The following OTOF variants were observed in gnomAD, a reference collection of about 807,000 sequenced individuals.
OTOF encodes the protein otoferlin.
Under a neutral mutation model 236.8 loss-of-function variants are expected in OTOF, and 218 were observed. The observed-to-expected ratio is 0.92, with a 90% CI of 0.82 to 1.03. OTOF has a LOEUF of 1.03. OTOF is among the 50% of genes least tolerant of loss of function. The pLI is 0.00. For synonymous variants in OTOF, 1,041 were observed against 1,072.5 expected (o/e 0.97, Z 0.57); for missense variants, 2,590 against 2,694.4 (o/e 0.96, Z 0.86).
At chr2:26,535,345 G>A (rs1042487954) in intron 2 of OTOF, among the ~76,000 whole-genome samples, 5 of 152,186 alleles carry the variant, frequency 3.3e-5, no homozygotes, top group Non-Finnish European at 2.9e-5. Context: ...GGATGATTTC[G>A]GAGATTGAGT....
At chr2:26,545,418 G>T (rs1667308172) in intron 1 of OTOF, among the ~76,000 whole-genome samples, 1 of 152,164 alleles carries the variant, frequency 6.6e-6, no homozygotes, top group Admixed American at 6.5e-5. Flanking sequence ...TCCTTTGTCA[G>T]ATAAATGTGA....
intron 12 of OTOF, 41 bp from the exon 13 acceptor site, chr2:26,483,689 G>C: frequency 6.3e-7 from 1 of 1,584,154 alleles, no homozygotes; most frequent in Non-Finnish European, 8.6e-7. Context: ...ACCAGGTCCA[G>C]GTCCCCAACC....
intron 40 of OTOF, 92 bp downstream of exon 40, chr2:26,463,872 C>G: frequency 6.5e-7 from 1 of 1,539,614 alleles, no homozygotes. Flanking sequence ...CAGCGGACAG[C>G]GTGAGGCCTG....
At chr2:26,517,914 T>C (rs1321374317) in intron 4 of OTOF, among the ~76,000 whole-genome samples, 2 of 152,154 alleles carry the variant, frequency 1.3e-5, no homozygotes, top group Non-Finnish European at 2.9e-5. Context: ...CACACTACAC[T>C]CTTCATCCAG....
At chr2:26,496,236 G>GTTT (rs1572451347) in intron 8 of OTOF, among the ~76,000 whole-genome samples, 1 of 118,886 alleles carries the variant, frequency 8.4e-6, no homozygotes, top group Non-Finnish European at 1.6e-5. Flanking sequence ...ATGATTAATG[G>GTTT]CTTTTTTTTT....
intron 5 of OTOF, 27 bp downstream of exon 5, chr2:26,516,391 G>T: frequency 6.2e-7 from 1 of 1,605,660 alleles, no homozygotes; most frequent in Non-Finnish European, 8.5e-7. Flanking sequence ...GGGAGCAGTG[G>T]GCAGCCAGAG....
chr2:26,473,481 C>T lies in OTOF; in HGVS notation c.3495G>A (p.Lys1165=), dbSNP rs1283501804. 6.2e-7 allele frequency: 1 copy of T among 1,613,278 alleles called. No homozygotes were observed. ...RPRVDIECAG[K]GVQSSLIHNY... ...TGTGGATCAGGGACGACTGCACCCC[C>T]TTCCCTGCACACTCGATGTCCACCC... The change falls in exon 28 of 47, where the codon AAG becomes AAA. Residue 1165 remains lysine (K), a synonymous_variant. Coordinates refer to ENST00000272371, the MANE Select transcript of OTOF (RefSeq NM_194248.3). The surrounding 1 kb of genome is among the most constrained non-coding windows in gnomAD (Gnocchi z 7.2).
intron 30 of OTOF, 102 bp downstream of exon 30, chr2:26,472,417 C>G: frequency 6.9e-7 from 1 of 1,447,996 alleles, no homozygotes; most frequent in Non-Finnish European, 9.7e-7. Context: ...AAAGGAGGCT[C>G]TTAGTGTCCT....
intron 32 of OTOF, among the ~76,000 whole-genome samples, chr2:26,469,097 C>G (rs1404617969): frequency 1.3e-5 from 2 of 151,874 alleles, no homozygotes; most frequent in Admixed American, 6.6e-5. Flanking sequence ...TTTACATTTT[C>G]TACTTAAAAA....
At chr2:26,515,149 T>C (rs1426748073) in intron 5 of OTOF, among the ~76,000 whole-genome samples, 3 of 152,222 alleles carry the variant, frequency 2.0e-5, no homozygotes, top group Non-Finnish European at 4.4e-5. Flanking sequence ...CCTTGCTATG[T>C]CCTTCTTTGC....
chr2:26,494,661 G>GA (rs1176886210), intron 9 of OTOF, among the ~76,000 whole-genome samples: 21 of 141,904 alleles, frequency 1.5e-4, no homozygotes, highest in Middle Eastern at 3.6e-3. Context: ...TGGGGTGGGG[G>GA]GGGGTTCTTT....
At chr2:26,520,223 G>T (rs143568496) in intron 3 of OTOF, among the ~76,000 whole-genome samples, 2 of 152,294 alleles carry the variant, frequency 1.3e-5, no homozygotes, top group African/African-American at 4.8e-5. Context: ...CAGGGCGTGT[G>T]AGAGCTGGAA....
At chr2:26,496,606 A>G (rs887356749) in intron 8 of OTOF, among the ~76,000 whole-genome samples, 2 of 152,088 alleles carry the variant, frequency 1.3e-5, no homozygotes, top group Non-Finnish European at 2.9e-5. Flanking sequence ...AGAGAGCCAG[A>G]GCACCAGTAA....
rs770946111 is a variant in OTOF, at chr2:26,483,529, T to G, written c.1325A>C (p.Lys442Thr). The G allele has an allele frequency of 1.1e-5, 17 of 1,613,896 alleles. No individual in the cohort carries two copies. ...GTCCTTGTTTTCACCGATGAAAGCCTTCTTTACATTGGCCATGAGGCTTGT... is the reference window on the plus strand; with the variant it reads ...GTCCTTGTTTTCACCGATGAAAGCCGTCTTTACATTGGCCATGAGGCTTGT... ...MNTSLMANVK[K>T]AFIGENKDLV... The change falls in exon 13 of 47, where the codon AAG becomes ACG. Residue 442 changes from lysine (K) to threonine (T), a missense_variant. Lys to Thr is a moderately conservative substitution (Grantham distance 78, BLOSUM62 -1). Transcript: ENST00000272371.
chr2:26,484,677 A>G, intron 11 of OTOF, 44 bp from the exon 12 acceptor site: 1 of 1,606,402 alleles, frequency 6.2e-7, no homozygotes, highest in Non-Finnish European at 8.5e-7. Context: ...ACCCCCACCC[A>G]GAGCGTCTCC....
At chr2:26,544,425 T>C (rs753471708) in intron 1 of OTOF, among the ~76,000 whole-genome samples, 6 of 152,240 alleles carry the variant, frequency 3.9e-5, no homozygotes, top group Admixed American at 1.3e-4. Context: ...ATAAAAGGTA[T>C]CCTACAGAAT....
intron 5 of OTOF, among the ~76,000 whole-genome samples, chr2:26,511,295 G>A (rs1308408411): frequency 1.3e-5 from 2 of 152,178 alleles, no homozygotes; most frequent in Non-Finnish European, 2.9e-5. Flanking sequence ...GCACACGGGT[G>A]GTTGGGGGCA....
rs184601519 is a variant in OTOF at position 26,502,878 on chromosome 2, A to G, written c.584-452T>C. ...TTCTCATGTCACAGGTACAGAAACG[A>G]AGGCTTAGGAAGTAACTTATCCATA... is the stretch of plus-strand genomic sequence containing the variant. On this transcript the variant is annotated intron_variant, in intron 6 of 46. Transcript: ENST00000272371. Among the ~76,000 whole-genome samples the G allele has an allele frequency of 3.9e-5, 6 of 152,366 alleles. No individual in the cohort carries two copies. The South Asian group carries it at 8.3e-4, about 21-fold the overall frequency.
chr2:26,477,173 T>G lies in OTOF; in HGVS notation c.2522A>C (p.Glu841Ala). The G allele has an allele frequency of 6.2e-7, 1 of 1,609,748 alleles. No homozygotes were observed. Among genetic ancestry groups the G allele is most frequent in the Non-Finnish European group, 8.5e-7 (1 of 1,179,278 alleles). Residue 841 changes from glutamate to alanine, a missense_variant and splice_region_variant, in exon 21 of 47, where the codon GAG becomes GCG. Transcript: ENST00000272371. The surrounding 1 kb of genome is among the most constrained non-coding windows in gnomAD (Gnocchi z 4.7). ...AAGCCCCGACCCCTTGGGCCGCACC[T>G]CGTCCGCCAGGAAGCGCAGCTTCTG... ...FLQKLRFLAD[E>A]PQHSIPDIFI... is the part of the protein sequence containing the mutation.
Sources: gnomAD v4.1 joint callset for allele counts (sites outside exome capture counted in the v4.1 genomes callset) on GRCh38, gnomAD v4.1.1 for gene constraint, Gnocchi (gnomAD v3.1) non-coding constraint, MANE v1.5 for transcripts, NCBI Gene and HGNC (gene_info 2026-07-23, HGNC 2026-07-21) for gene names.